RFNG: variants seen among roughly 807,000 people sequenced by gnomAD.
RFNG encodes RFNG O-fucosylpeptide 3-beta-N-acetylglucosaminyltransferase, also known as beta-1,3-N-acetylglucosaminyltransferase radical fringe.
Under a neutral mutation model 29.6 loss-of-function variants are expected in RFNG, and 37 were observed. The ratio of observed to expected loss-of-function variants is 1.25; its 90% CI spans 0.96 to 1.65. The LOEUF is 1.65. RFNG is among the 40% of genes most tolerant of loss of function. The pLI, the probability that RFNG is intolerant of heterozygous loss-of-function variation, is 0.00. For synonymous variants in RFNG, 276 were observed against 197.3 expected (o/e 1.40, Z -3.34); for missense variants, 546 against 457.0 (o/e 1.19, Z -1.78).
chr17:82,051,168 G>C lies in RFNG; in HGVS notation c.316+126C>G. ...GGCCGCGTGACCTGGGCAGCGTCGG[G>C]GCCTCCCCGGGCCTCGGGAGCCTGG... On this transcript the variant is annotated intron_variant, in intron 2 of 7. Transcript: ENST00000310496. This position sits in a 1 kb window ranked among gnomAD's most constrained non-coding sequence, Gnocchi z 4.1. 1.5e-6 allele frequency: 2 copies of C among 1,303,484 alleles called. No homozygotes were observed. The highest frequency in any genetic ancestry group is 6.2e-5 in the East Asian group (2 of 32,164). The allele number at this position is 1,303,484 out of a possible 1,614,324, so 80.7% of individuals were successfully genotyped here.
rs2030368395 is a variant in RFNG, at chr17:82,050,631, G to GCT, written c.419+29_419+30dup. The GCT allele has an allele frequency of 1.9e-6, 3 of 1,610,898 alleles. No individual in the cohort carries two copies. In the East Asian group the frequency reaches 6.7e-5, roughly 36 times the overall value. On this transcript the variant is annotated intron_variant, in intron 3 of 7. Coordinates refer to ENST00000310496, the MANE Select transcript of RFNG (RefSeq NM_002917.2). ...AGGCCCCCACCCAGCTTGGCTCTGA[G>GCT]CTCTCTGCGGGTCGGGTCAGCGCCG...
Position 82,051,767 on chromosome 17 carries a change from G to A in RFNG, c.-1C>T, listed in dbSNP as rs925044106. The stretch of plus-strand genomic sequence containing the variant: ...ACAGCGCCCCACGCGCGCGGCTCAT[G>A]CGGCCGCCGGGACCCCCGGCGCTGC... On this transcript the variant is annotated 5_prime_UTR_variant, in exon 1 of 8. Coordinates refer to ENST00000310496, the MANE Select transcript of RFNG (RefSeq NM_002917.2). This position sits in a 1 kb window ranked among gnomAD's most constrained non-coding sequence, Gnocchi z 4.1. 7 of 1,100,438 alleles carry A rather than the reference G, an allele frequency of 6.4e-6. No individual in the cohort carries two copies. The highest frequency in any genetic ancestry group is 1.7e-5 in the African/African-American group (1 of 59,398). 68.2% of individuals were successfully genotyped at this position (1,100,438 alleles called of 1,614,324 possible).
intron 6 of RFNG, chr17:82,049,361 CCT>C (rs1412523085): frequency 5.7e-6 from 4 of 698,788 alleles, no homozygotes; most frequent in Non-Finnish European, 1.0e-5. Context: ...TCATTCCCTC[CCT>C]GCTCCACGTG....
Position 82,051,065 on chromosome 17 carries a change from AG to A in RFNG, c.316+228del. The A allele has an allele frequency of 3.6e-6, 5 of 1,376,474 alleles. No individual in the cohort carries two copies. Among genetic ancestry groups the A allele is most frequent in the Non-Finnish European group, 3.7e-6 (4 of 1,070,584 alleles). 85.3% of individuals were successfully genotyped at this position (1,376,474 alleles called of 1,614,324 possible). The stretch of plus-strand genomic sequence containing the variant: ...GCGCTTCTTCAGGGGACGTGGCACT[AG>A]CCCCACGCCCCGGGAAGCGGCTAGT... On this transcript the variant is annotated intron_variant, in intron 2 of 7. Coordinates refer to ENST00000310496, the MANE Select transcript of RFNG (RefSeq NM_002917.2). This position sits in a 1 kb window ranked among gnomAD's most constrained non-coding sequence, Gnocchi z 4.1.
intron 6 of RFNG, 135 bp downstream of exon 6, chr17:82,049,542 C>A: frequency 9.4e-7 from 1 of 1,066,304 alleles, no homozygotes; most frequent in Non-Finnish European, 1.4e-6. Flanking sequence ...GGGGCCTGTC[C>A]AGGGTCCACC....
Position 82,051,776 on chromosome 17 carries a change from G to A in RFNG, c.-10C>T, listed in dbSNP as rs937656480. 6.7e-4 allele frequency: 741 copies of A among 1,110,316 alleles called. 1 individual carries two copies. Among genetic ancestry groups the A allele is most frequent in the Non-Finnish European group, 7.7e-4 (703 of 911,340 alleles). 68.8% of individuals were successfully genotyped at this position (1,110,316 alleles called of 1,614,324 possible). A position where few individuals can be genotyped will look rare whatever the true frequency, so the allele number is the denominator to read the frequency against. ...CACGCGCGCGGCTCATGCGGCCGCC[G>A]GGACCCCCGGCGCTGCGAGCGGAGA... On this transcript the variant is annotated 5_prime_UTR_variant, in exon 1 of 8. Coordinates refer to ENST00000310496, the MANE Select transcript of RFNG (RefSeq NM_002917.2). The surrounding 1 kb of genome is among the most constrained non-coding windows in gnomAD (Gnocchi z 4.1).
intron 6 of RFNG, 169 bp from the exon 7 acceptor site, chr17:82,049,285 G>C (rs1454661347): frequency 1.4e-6 from 1 of 711,698 alleles, no homozygotes. Context: ...TGAGTAGGGG[G>C]ACACCTCAGG....
In RFNG at chr17:82,050,514, C is replaced by T. The variant is rs762449053; in HGVS notation, c.461G>A (p.Arg154Lys). 7 of 1,612,894 alleles carry T rather than the reference C, an allele frequency of 4.3e-6. No individual in the cohort carries two copies. The Admixed American group carries it at 8.3e-5, about 19-fold the overall frequency. Residue 154 changes from arginine (R) to lysine (K), a missense_variant, in exon 4 of 8, where the codon AGG becomes AAG. Transcript: ENST00000310496. Reference sequence around the variant, plus strand: ...GCTGGAGAGCAGGTGCAGGAGGCTCCTGGCGTTCACATAATTGTCATCATC... The same window carrying T: ...GCTGGAGAGCAGGTGCAGGAGGCTCTTGGCGTTCACATAATTGTCATCATC... ...HVDDDNYVNARSLLHLLSSFS... is the reference protein window; with the variant it reads ...HVDDDNYVNAKSLLHLLSSFS...
Position 82,051,463 on chromosome 17 carries a change from G to A in RFNG, c.267+37C>T. On this transcript the variant is annotated intron_variant, in intron 1 of 7. Coordinates refer to ENST00000310496, the MANE Select transcript of RFNG (RefSeq NM_002917.2). This position sits in a 1 kb window ranked among gnomAD's most constrained non-coding sequence, Gnocchi z 4.1. ...AGACCCTGGGAGGCGGGGCGGGTGG[G>A]CGTGGGGCTCGCCGTCGGGGTCGGG... 7.4e-7 allele frequency: 1 copy of A among 1,346,860 alleles called. No homozygotes were observed. Among genetic ancestry groups the A allele is most frequent in the South Asian group, 1.9e-5 (1 of 51,568 alleles). 83.4% of individuals were successfully genotyped at this position (1,346,860 alleles called of 1,614,324 possible).
rs1054238200 is a variant in RFNG at position 82,048,576 on chromosome 17, G to A, written c.*150C>T. 35 of 662,728 alleles carry A rather than the reference G, an allele frequency of 5.3e-5. No homozygotes were observed. The highest frequency in any genetic ancestry group is 4.7e-4 in the African/African-American group (26 of 55,464). 41.1% of individuals were successfully genotyped at this position (662,728 alleles called of 1,614,324 possible). On this transcript the variant is annotated 3_prime_UTR_variant, in exon 8 of 8. Transcript: ENST00000310496. ...GCAGCCCACCAGGGGCTGGGAGAGG[G>A]GGGGCTGCAGGCTAGCCAGAGGGTC...
Position 82,051,248 on chromosome 17 carries a change from C to A in RFNG, c.316+46G>T. 1.5e-6 allele frequency: 2 copies of A among 1,337,034 alleles called. No individual in the cohort carries two copies. The highest frequency in any genetic ancestry group is 1.9e-6 in the Non-Finnish European group (2 of 1,040,662). 82.8% of individuals were successfully genotyped at this position (1,337,034 alleles called of 1,614,324 possible). A position where few individuals can be genotyped will look rare whatever the true frequency, so the allele number is the denominator to read the frequency against. ...GGCCGTGGCTTCGGAGCGAGAAAGGCTCGGGGGGCAGATCCCGCGGGCGCC... is the reference window on the plus strand; with the variant it reads ...GGCCGTGGCTTCGGAGCGAGAAAGGATCGGGGGGCAGATCCCGCGGGCGCC... On this transcript the variant is annotated intron_variant, in intron 2 of 7. Coordinates refer to ENST00000310496, the MANE Select transcript of RFNG (RefSeq NM_002917.2). The surrounding 1 kb of genome is among the most constrained non-coding windows in gnomAD (Gnocchi z 4.1).
rs779338580 is a variant in RFNG at position 82,049,903 on chromosome 17, T to C, written c.662+15A>G. 3.7e-6 allele frequency: 6 copies of C among 1,611,730 alleles called. No individual in the cohort carries two copies. In the South Asian group the frequency reaches 4.4e-5, roughly 12 times the overall value. ...GCCTCCGCCTCCCAGCCCGGGCAGC[T>C]GGACCCCCACTCACCTGGCCCATGG... On this transcript the variant is annotated intron_variant, in intron 5 of 7. Coordinates refer to ENST00000310496, the MANE Select transcript of RFNG (RefSeq NM_002917.2).
At position 82,048,996 on chromosome 17, in the gene RFNG, G is replaced by A. The variant is rs1237055429; in HGVS notation, c.914+35C>T. The A allele has an allele frequency of 3.7e-6, 6 of 1,604,162 alleles. No individual in the cohort carries two copies. In the South Asian group the frequency reaches 5.5e-5, roughly 15 times the overall value. On this transcript the variant is annotated intron_variant, in intron 7 of 7. Transcript: ENST00000310496. ...GGGAGCTGATGCCAGAGCCCCTGCG[G>A]GGCCGAGGGCCTGCCCATGCCACTA... is the stretch of plus-strand genomic sequence containing the variant.
chr17:82,050,968 G>A (rs2030453700), intron 2 of RFNG: 1 of 1,428,774 alleles, frequency 7.0e-7, no homozygotes. Context: ...GCCATCGGTT[G>A]GGATCTCTTG....
In RFNG at chr17:82,049,516, G is replaced by A. The variant is rs1016590947; in HGVS notation, c.828+161C>T. ...TACCCCATCTGTACGTGAGGACCCT[G>A]TGTCCAACAGGCCAAGGGGCCTGTC... On this transcript the variant is annotated intron_variant, in intron 6 of 7. Coordinates refer to ENST00000310496, the MANE Select transcript of RFNG (RefSeq NM_002917.2). The A allele has an allele frequency of 2.0e-5, 17 of 831,636 alleles. No homozygotes were observed. The Middle Eastern group carries it at 6.5e-4, about 32-fold the overall frequency. 51.5% of individuals were successfully genotyped at this position (831,636 alleles called of 1,614,324 possible).
chr17:82,050,316 A>G (rs2030290117), intron 4 of RFNG, 86 bp downstream of exon 4: 1 of 1,451,516 alleles, frequency 6.9e-7, no homozygotes, highest in South Asian at 1.4e-5. Flanking sequence ...GCCCTTCTCA[A>G]GCCAGCTTTC....
intron 6 of RFNG, 53 bp from the exon 7 acceptor site, chr17:82,049,169 C>T (rs759652300): frequency 5.5e-6 from 8 of 1,462,248 alleles, no homozygotes; most frequent in East Asian, 2.4e-5. Flanking sequence ...TCTCGGGCCA[C>T]GCCTGCCCCT....
At chr17:82,050,074 C>T (rs2030228905) in intron 4 of RFNG, 68 bp from the exon 5 acceptor site, 8 of 1,322,080 alleles carry the variant, frequency 6.1e-6, no homozygotes, top group Non-Finnish European at 8.5e-6. Flanking sequence ...TCATGGGACT[C>T]CCCAGGCATC....
At position 82,048,810 on chromosome 17, in the gene RFNG, G is replaced by A. The variant is rs2030078796; in HGVS notation, c.915-3C>T. 1 of 1,611,980 alleles carries A rather than the reference G, an allele frequency of 6.2e-7. No individual in the cohort carries two copies. The highest frequency in any genetic ancestry group is 1.7e-5 in the Admixed American group (1 of 60,004). ...GAAGACAATGGATAGACTTAAACCT[G>A]GGGAAGGAAGAAGTAGGGGTCAGGG... On this transcript the variant is annotated splice_polypyrimidine_tract_variant and splice_region_variant and intron_variant, in intron 7 of 7. Coordinates refer to ENST00000310496, the MANE Select transcript of RFNG (RefSeq NM_002917.2).
Sources: allele counts gnomAD v4.1 joint callset, GRCh38; gene constraint gnomAD v4.1.1; non-coding constraint Gnocchi (gnomAD v3.1); transcripts MANE v1.5; gene names NCBI Gene and HGNC (gene_info 2026-07-23, HGNC 2026-07-21).